MPDZ: variants seen among roughly 807,000 people sequenced by gnomAD.
MPDZ encodes multiple PDZ domain protein.
MPDZ carries 234 observed loss-of-function variants against 239.1 expected under a neutral mutation model. The observed-to-expected ratio is 0.98, with a 90% CI of 0.88 to 1.09. The LOEUF (loss-of-function observed/expected upper bound fraction) is 1.09. Ranked by LOEUF, MPDZ falls within the 50% of genes least tolerant of loss-of-function variation. The pLI, the probability that MPDZ is intolerant of heterozygous loss-of-function variation, is 0.00. For synonymous variants in MPDZ, 1,048 were observed against 881.3 expected, an observed-to-expected ratio of 1.19 and a Z score of -3.35; for missense variants, 3,175 against 2,510.0, an observed-to-expected ratio of 1.26 and a Z score of -5.66.
At chr9:13,114,047 G>A in intron 40 of MPDZ, 26 bp from the exon 41 acceptor site, 1 of 1,547,414 alleles carries the variant, frequency 6.5e-7, no homozygotes, top group African/African-American at 1.4e-5. Flanking sequence ...AATTATTTCA[G>A]AAGGTTTTGC....
At chr9:13,181,300 T>C (rs1396848007) in intron 19 of MPDZ, among the ~76,000 whole-genome samples, 4 of 152,152 alleles carry the variant, frequency 2.6e-5, no homozygotes, top group Middle Eastern at 3.2e-3. Flanking sequence ...TTAAGAAAAA[T>C]TGTCAATTGT....
chr9:13,220,829 T>A (rs1460829348), intron 7 of MPDZ, among the ~76,000 whole-genome samples: 1 of 151,984 alleles, frequency 6.6e-6, no homozygotes, highest in Non-Finnish European at 1.5e-5. Flanking sequence ...TCATAACAAA[T>A]GTGTTAAATC....
intron 40 of MPDZ, among the ~76,000 whole-genome samples, chr9:13,114,656 C>A (rs1943077048): frequency 6.6e-6 from 1 of 152,098 alleles, no homozygotes; most frequent in Non-Finnish European, 1.5e-5. Flanking sequence ...AATCCCAACA[C>A]TTTGGGAGGC....
chr9:13,124,009 TTCATA>T (rs1944756685), intron 35 of MPDZ, among the ~76,000 whole-genome samples: 1 of 152,228 alleles, frequency 6.6e-6, no homozygotes. Context: ...TATCAGAGTC[TTCATA>T]TCATATGTTT....
At chr9:13,217,646 T>A (rs1222192969) in intron 8 of MPDZ, among the ~76,000 whole-genome samples, 2 of 151,910 alleles carry the variant, frequency 1.3e-5, no homozygotes, top group Non-Finnish European at 2.9e-5. Flanking sequence ...ATGCAGTACA[T>A]CTGAAAGAAC....
Position 13,109,021 on chromosome 9 carries a change from G to GT in MPDZ, c.5980_5981insA (p.Pro1994HisfsTer24), listed in dbSNP as rs750918921. Reference sequence around the variant, plus strand: ...AACTATACTGAAGCCTAAGCCATCTGGTCCTCGCTCTAGTGTAATAGACTT... The same window carrying GT: ...AACTATACTGAAGCCTAAGCCATCTGTGTCCTCGCTCTAGTGTAATAGACTT... On this transcript the variant is annotated frameshift_variant, in exon 46 of 47. Coordinates refer to ENST00000319217, the MANE Select transcript of MPDZ (RefSeq NM_001378778.1). LOFTEE classifies it high-confidence loss of function. The GT allele has an allele frequency of 6.3e-6, 10 of 1,588,552 alleles. No individual in the cohort carries two copies. The highest frequency in any genetic ancestry group is 8.6e-6 in the Non-Finnish European group (10 of 1,165,786).
chr9:13,117,238 G>C (rs979644501), intron 39 of MPDZ, among the ~76,000 whole-genome samples: 3 of 151,958 alleles, frequency 2.0e-5, no homozygotes, highest in Non-Finnish European at 4.4e-5. Context: ...TGCAGATTAG[G>C]AGCGACTACT....
At chr9:13,185,499 CCA>C (rs1281228487) in intron 18 of MPDZ, among the ~76,000 whole-genome samples, 1 of 151,838 alleles carries the variant, frequency 6.6e-6, no homozygotes, top group Non-Finnish European at 1.5e-5. Context: ...AATGTTTGCC[CCA>C]CAAAAAACGT....
intron 39 of MPDZ, 43 bp downstream of exon 39, chr9:13,119,459 T>G: frequency 6.4e-7 from 1 of 1,567,624 alleles, no homozygotes; most frequent in Non-Finnish European, 8.6e-7. Flanking sequence ...ATTATCTTTT[T>G]TCTTCTACGC....
intron 17 of MPDZ, 68 bp downstream of exon 17, chr9:13,188,716 C>T (rs531069805): frequency 8.5e-6 from 12 of 1,407,624 alleles, no homozygotes; most frequent in Middle Eastern, 1.9e-4. Context: ...ACACCTAAAG[C>T]GAAAAGTAGA....
At position 13,216,776 on chromosome 9, in the gene MPDZ, C is replaced by T; in HGVS notation, c.1288G>A (p.Ala430Thr). 1.3e-6 allele frequency: 2 copies of T among 1,599,370 alleles called. No individual in the cohort carries two copies. Among genetic ancestry groups the T allele is most frequent in the South Asian group, 2.2e-5 (2 of 90,266 alleles). ...GRIQIGDQIIAVDGTNLQGFT... is the reference protein window; with the variant it reads ...GRIQIGDQIITVDGTNLQGFT... ...CTATTGTTAAATGTGTAACTTACTG[C>T]TATAATTTGGTCTCCAATTTGGATT... The change falls in exon 10 of 47, where the codon GCA becomes ACA. Residue 430 changes from alanine to threonine, a missense_variant and splice_region_variant. By Grantham distance (58) the Ala-to-Thr change is moderately conservative. Transcript: ENST00000319217.
At chr9:13,261,260 T>C (rs1588177855) in intron 1 of MPDZ, among the ~76,000 whole-genome samples, 1 of 152,296 alleles carries the variant, frequency 6.6e-6, no homozygotes, top group East Asian at 1.9e-4. Flanking sequence ...CAGGCATTCC[T>C]TGGGAGATGC....
intron 3 of MPDZ, among the ~76,000 whole-genome samples, chr9:13,241,746 T>C (rs950987061): frequency 1.3e-5 from 2 of 152,150 alleles, no homozygotes; most frequent in Admixed American, 1.3e-4. Context: ...AAATGATAAA[T>C]GTAAGAAATT....
chr9:13,205,338 AT>A (rs1311222368), intron 11 of MPDZ, among the ~76,000 whole-genome samples: 2 of 152,168 alleles, frequency 1.3e-5, no homozygotes, highest in Non-Finnish European at 2.9e-5. Context: ...AATGGCATAA[AT>A]ATCAGAATGG....
rs1381525103 is a variant in MPDZ at position 13,198,735 on chromosome 9, CTCTGTGTG to C, written c.1547-2513_1547-2506del. Among the ~76,000 whole-genome samples, 130 of 17,128 alleles carry C rather than the reference CTCTGTGTG, an allele frequency of 7.6e-3. 3 individuals carry two copies. The highest frequency in any genetic ancestry group is 0.015 in the Admixed American group (13 of 880). 11.2% of individuals were successfully genotyped at this position (17,128 alleles called of 152,430 possible). A position where few individuals can be genotyped will look rare whatever the true frequency, so the allele number is the denominator to read the frequency against. The stretch of plus-strand genomic sequence containing the variant: ...TTATATTTAGGTCTTTAATCTCTCT[CTCTGTGTG>C]TGTGTGTGTGTGTGTGTGTGTGTGT... On this transcript the variant is annotated intron_variant, in intron 12 of 46. Transcript: ENST00000319217.
chr9:13,126,582 T>A lies in MPDZ; in HGVS notation c.4566A>T (p.Arg1522=). The change falls in exon 34 of 47, where the codon CGA becomes CGT. Residue 1522 remains arginine (R), a synonymous_variant. Transcript: ENST00000319217. ...CCAGTATCTGATCTCCGACTTTGAG[T>A]CGTCCATCCTAAATGGAAACGTAGA... ...TEHGVAATDG[R]LKVGDQILAV... 6.2e-7 allele frequency: 1 copy of A among 1,600,606 alleles called. No homozygotes were observed. The highest frequency in any genetic ancestry group is 1.7e-4 in the Middle Eastern group (1 of 6,048).
intron 1 of MPDZ, among the ~76,000 whole-genome samples, chr9:13,264,315 A>T (rs1267246879): frequency 6.6e-6 from 1 of 152,216 alleles, no homozygotes; most frequent in African/African-American, 2.4e-5. Context: ...CAACTTTTAT[A>T]AAGAATATTA....
chr9:13,145,696 G>A (rs1050481217), intron 26 of MPDZ, among the ~76,000 whole-genome samples: 2 of 151,860 alleles, frequency 1.3e-5, no homozygotes, highest in African/African-American at 2.4e-5. Flanking sequence ...TTCATAACAA[G>A]ATTTATCCTG....
At position 13,138,027 on chromosome 9, in the gene MPDZ, A is replaced by G; in HGVS notation, c.4130T>C (p.Ile1377Thr). Reference protein sequence around the residue: ...NKDRSRMSVFIVGIDPNGAAG... With the variant: ...NKDRSRMSVFTVGIDPNGAAG... Reference sequence around the variant, plus strand: ...AGCTCCATTTGGATCAATCCCCACTATGAAGACACTCATCCTGGATCGGTC... The same window carrying G: ...AGCTCCATTTGGATCAATCCCCACTGTGAAGACACTCATCCTGGATCGGTC... Residue 1377 changes from isoleucine to threonine, a missense_variant, in exon 29 of 47, where the codon ATA (isoleucine) becomes ACA (threonine). Transcript: ENST00000319217. 6.2e-7 allele frequency: 1 copy of G among 1,613,846 alleles called. No homozygotes were observed. Among genetic ancestry groups the G allele is most frequent in the Non-Finnish European group, 8.5e-7 (1 of 1,179,802 alleles).
Sources: allele counts gnomAD v4.1 joint callset (sites outside exome capture counted in the v4.1 genomes callset), GRCh38; gene constraint gnomAD v4.1.1; transcripts MANE v1.5; gene names NCBI Gene and HGNC (gene_info 2026-07-23, HGNC 2026-07-21).